Variants in PRKCE observed in about 807,000 individuals in gnomAD.
PRKCE encodes the protein protein kinase C epsilon.
PRKCE carries 16 observed loss-of-function variants against 85.4 expected under a neutral mutation model. The observed-to-expected ratio is 0.19, with a 90% confidence interval of 0.13 to 0.28. PRKCE has a LOEUF of 0.28. Among genes scored for constraint, PRKCE ranks in the 10% least tolerant of loss-of-function variants. The pLI is 1.00. For synonymous variants in PRKCE, 388 were observed against 371.5 expected, an observed-to-expected ratio of 1.04 and a Z score of -0.51; for missense variants, 573 against 975.2, an observed-to-expected ratio of 0.59 and a Z score of 5.49.
At chr2:45,756,863 CTT>C (rs1304339132) in intron 1 of PRKCE, among the ~76,000 whole-genome samples, 1 of 152,108 alleles carries the variant, frequency 6.6e-6, no homozygotes, top group African/African-American at 2.4e-5. Flanking sequence ...TATGAGGAAA[CTT>C]TGTGGGCTGA....
rs62127216 is a variant in PRKCE, at chr2:45,864,085, T to C, written c.412+21022T>C. The stretch of plus-strand genomic sequence containing the variant: ...GTAGAGGAGGAATCTGAGGCTCTGG[T>C]TTAACTGGTTGGAGAGAATGCCAGG... On this transcript the variant is annotated intron_variant, in intron 2 of 14. Coordinates refer to ENST00000306156, the MANE Select transcript of PRKCE (RefSeq NM_005400.3). Among the ~76,000 whole-genome samples, 1,259 of 152,206 alleles carry C rather than the reference T, an allele frequency of 8.3e-3. 12 individuals are homozygous for C. Among genetic ancestry groups the C allele is most frequent in the Non-Finnish European group, 0.014 (957 of 68,004 alleles).
chr2:46,152,557 A>C (rs1027614851), intron 13 of PRKCE, among the ~76,000 whole-genome samples: 2 of 148,628 alleles, frequency 1.3e-5, no homozygotes, highest in Non-Finnish European at 3.0e-5. Flanking sequence ...AATTAATGTA[A>C]TTTTTTTTCA....
intron 2 of PRKCE, among the ~76,000 whole-genome samples, chr2:45,963,331 C>G (rs1701505360): frequency 6.6e-6 from 1 of 151,844 alleles, no homozygotes; most frequent in African/African-American, 2.4e-5. Context: ...TTTTTTTAGA[C>G]CGAGTCTTGC....
chr2:45,777,697 G>A (rs1005561449), intron 1 of PRKCE, among the ~76,000 whole-genome samples: 1 of 152,118 alleles, frequency 6.6e-6, no homozygotes, highest in Non-Finnish European at 1.5e-5. Flanking sequence ...CCCCTGTAAA[G>A]GTCATACGGT....
chr2:45,813,586 C>T (rs747429735), intron 1 of PRKCE, among the ~76,000 whole-genome samples: 4 of 152,260 alleles, frequency 2.6e-5, no homozygotes, highest in African/African-American at 4.8e-5. Context: ...TCGTCTTTCA[C>T]AAAAGAGAAA....
At chr2:46,168,290 C>G (rs989020176) in intron 14 of PRKCE, among the ~76,000 whole-genome samples, 1 of 152,156 alleles carries the variant, frequency 6.6e-6, no homozygotes, top group Non-Finnish European at 1.5e-5. Flanking sequence ...TCCTCCCAGA[C>G]CCACCTGCAC....
chr2:46,161,533 C>T (rs1030635214), intron 14 of PRKCE, among the ~76,000 whole-genome samples: 3 of 152,022 alleles, frequency 2.0e-5, no homozygotes, highest in Non-Finnish European at 4.4e-5. Flanking sequence ...GAGCACCAGG[C>T]CCCAGCTGTA....
intron 1 of PRKCE, among the ~76,000 whole-genome samples, chr2:45,692,092 T>A (rs1677774804): frequency 6.6e-6 from 1 of 152,232 alleles, no homozygotes; most frequent in Non-Finnish European, 1.5e-5. Context: ...TTTTTGTTCA[T>A]GAATTCACCA....
chr2:46,130,527 G>A (rs1674328843), intron 11 of PRKCE, among the ~76,000 whole-genome samples: 1 of 152,146 alleles, frequency 6.6e-6, no homozygotes. Flanking sequence ...TTTTGTCATA[G>A]CACTTGCTAA....
At chr2:45,653,164 C>G (rs547049405) in intron 1 of PRKCE, among the ~76,000 whole-genome samples, 1 of 152,112 alleles carries the variant, frequency 6.6e-6, no homozygotes, top group African/African-American at 2.4e-5. Context: ...TATTGTTTCT[C>G]TGTTTTGATT....
At chr2:45,972,938 A>G (rs544609138) in intron 2 of PRKCE, among the ~76,000 whole-genome samples, 2 of 152,376 alleles carry the variant, frequency 1.3e-5, no homozygotes, top group South Asian at 4.1e-4. Flanking sequence ...GAAAGACTGA[A>G]CAGCCAAAGC....
intron 11 of PRKCE, among the ~76,000 whole-genome samples, chr2:46,144,086 T>C (rs1675830707): frequency 6.6e-6 from 1 of 152,202 alleles, no homozygotes; most frequent in Non-Finnish European, 1.5e-5. Context: ...GTCAGGGCTG[T>C]GGGTTCCAGG....
chr2:45,712,620 A>T (rs184232582), intron 1 of PRKCE, among the ~76,000 whole-genome samples: 38 of 152,204 alleles, frequency 2.5e-4, no homozygotes, highest in African/African-American at 8.4e-4. Flanking sequence ...TGACAGTTGC[A>T]TTCCCTCTAT....
At chr2:45,958,816 A>ATATAT (rs1701181096) in intron 2 of PRKCE, among the ~76,000 whole-genome samples, 5 of 18,150 alleles carry the variant, frequency 2.8e-4, no homozygotes, top group Admixed American at 1.3e-3. Context: ...ATATATATAT[A>ATATAT]TTTTTTTTTT....
At chr2:46,096,156 G>A (rs1183963550) in intron 11 of PRKCE, among the ~76,000 whole-genome samples, 3 of 152,208 alleles carry the variant, frequency 2.0e-5, no homozygotes, top group African/African-American at 7.2e-5. Flanking sequence ...TCCTGGGTCT[G>A]CCTCATCTTT....
At chr2:45,748,211 A>G (rs562709318) in intron 1 of PRKCE, among the ~76,000 whole-genome samples, 3 of 152,352 alleles carry the variant, frequency 2.0e-5, no homozygotes, top group Admixed American at 6.5e-5. Flanking sequence ...GCCAGGCATC[A>G]TCTCATGCAA....
intron 2 of PRKCE, among the ~76,000 whole-genome samples, chr2:45,950,862 A>G (rs927573778): frequency 1.3e-5 from 2 of 152,126 alleles, no homozygotes; most frequent in Non-Finnish European, 2.9e-5. Flanking sequence ...CAACTTTCCT[A>G]GAGGACCTCT....
chr2:46,063,018 CGAAA>C (rs1667297345), intron 10 of PRKCE, among the ~76,000 whole-genome samples: 1 of 152,144 alleles, frequency 6.6e-6, no homozygotes, highest in Non-Finnish European at 1.5e-5. Context: ...TTAGAAATCA[CGAAA>C]GAAAGCAGAG....
Position 46,057,438 on chromosome 2 carries a change from C to CT in PRKCE, c.1438-28756dup, listed in dbSNP as rs762865674. Among the ~76,000 whole-genome samples, 919 of 144,812 alleles carry CT rather than the reference C, an allele frequency of 6.3e-3. 3 individuals carry two copies. The highest frequency in any genetic ancestry group is 0.019 in the African/African-American group (739 of 39,756). On this transcript the variant is annotated intron_variant, in intron 10 of 14. Transcript: ENST00000306156. ...GGATAAGAAAAAATATTCTCTTCAA[C>CT]TTTTTTTTTTTTTTGAGTCGGAGTT...
Sources: gnomAD v4.1 joint callset for allele counts (sites outside exome capture counted in the v4.1 genomes callset) on GRCh38, gnomAD v4.1.1 for gene constraint, MANE v1.5 for transcripts, NCBI Gene and HGNC (gene_info 2026-07-23, HGNC 2026-07-21) for gene names.